Variants in PRUNE1 observed in about 807,000 individuals in gnomAD.
PRUNE1 encodes prune exopolyphosphatase 1.
In PRUNE1, 25 loss-of-function variants were observed where a neutral mutation model predicts 42.5. That is an observed-to-expected ratio of 0.59 (90% CI 0.43 to 0.82). PRUNE1 has a LOEUF of 0.82. PRUNE1 is among the 40% of genes least tolerant of loss of function. PRUNE1 has a pLI of 0.00. For missense variants in PRUNE1, 443 were observed against 539.3 expected (o/e 0.82, Z 1.77); for synonymous variants, 203 against 217.1 (o/e 0.93, Z 0.57).
At chr1:151,030,732 T>G (rs1675192263) in intron 7 of PRUNE1, among the ~76,000 whole-genome samples, 2 of 152,124 alleles carry the variant, frequency 1.3e-5, no homozygotes, top group Admixed American at 6.6e-5. Context: ...GTGATCCACC[T>G]GCCTTGGCCT....
At chr1:151,013,226 G>A (rs1011539387) in intron 1 of PRUNE1, among the ~76,000 whole-genome samples, 1 of 152,208 alleles carries the variant, frequency 6.6e-6, no homozygotes, top group Non-Finnish European at 1.5e-5. Flanking sequence ...CTGGGAATGT[G>A]CACATCATGG....
chr1:151,025,483 G>A, intron 4 of PRUNE1, 32 bp from the exon 5 acceptor site: 2 of 1,604,590 alleles, frequency 1.2e-6, no homozygotes, highest in African/African-American at 1.3e-5. Flanking sequence ...AGGGTCACAG[G>A]ATTCAAGTTC....
chr1:151,008,687 C>G lies in PRUNE1; in HGVS notation c.39+16C>G. The G allele has an allele frequency of 4.3e-6, 7 of 1,613,698 alleles. No homozygotes were observed. The highest frequency in any genetic ancestry group is 5.9e-6 in the Non-Finnish European group (7 of 1,179,746). On this transcript the variant is annotated intron_variant, in intron 1 of 7. Coordinates refer to ENST00000271620, the MANE Select transcript of PRUNE1 (RefSeq NM_021222.3). ...TGCTCTGCAGGTAACGAATCCCTGT[C>G]TGTGACTGTAAGGAATGGAGCACGG...
chr1:151,011,325 TA>T (rs906786031), intron 1 of PRUNE1, among the ~76,000 whole-genome samples: 11 of 151,394 alleles, frequency 7.3e-5, no homozygotes, highest in South Asian at 2.1e-4. Context: ...GATGTTCCAT[TA>T]AAAAAAAATC....
At chr1:151,027,782 G>GTGTGTGCA (rs71090119) in intron 6 of PRUNE1, among the ~76,000 whole-genome samples, 62 of 125,318 alleles carry the variant, frequency 4.9e-4, no homozygotes, top group African/African-American at 1.9e-3. Context: ...GTGTGTGTGT[G>GTGTGTGCA]CGCGCGCGTG....
At chr1:151,023,746 G>A (rs1013847373) in intron 3 of PRUNE1, among the ~76,000 whole-genome samples, 17 of 151,248 alleles carry the variant, frequency 1.1e-4, no homozygotes, top group African/African-American at 4.1e-4. Context: ...GAGAAATTTA[G>A]ATGTTGGGTA....
Position 151,026,725 on chromosome 1 carries a change from A to G in PRUNE1, c.680-508A>G, listed in dbSNP as rs760828034. 5.3e-5 allele frequency among the ~76,000 whole-genome samples: 8 copies of G among 152,272 alleles called. No homozygotes were observed. In the South Asian group the frequency reaches 1.5e-3, roughly 28 times the overall value. ...AAACAGTATAGGAAGAGGGAAAGAT[A>G]AAAAGTAAAAGCCTCTGTTCTGGGT... On this transcript the variant is annotated intron_variant, in intron 5 of 7. Coordinates refer to ENST00000271620, the MANE Select transcript of PRUNE1 (RefSeq NM_021222.3).
chr1:151,031,230 C>T (rs1675230311), intron 7 of PRUNE1, among the ~76,000 whole-genome samples: 2 of 149,912 alleles, frequency 1.3e-5, no homozygotes, highest in South Asian at 2.1e-4. Flanking sequence ...CTCTGTTGAC[C>T]AGGCTGGAGT....
Position 151,028,820 on chromosome 1 carries a change from T to A in PRUNE1, c.809T>A (p.Leu270His). Reference protein sequence around the residue: ...FLQRSNLLADLHAFCQAHSYD... With the variant: ...FLQRSNLLADHHAFCQAHSYD... ...CAGAGGTCTAACCTCCTTGCAGATC[T>A]CCATGCTTTCTGCCAGGCTCACAGC... is the stretch of plus-strand genomic sequence containing the variant. Residue 270 changes from leucine to histidine, a missense_variant, in exon 7 of 8, where the codon CTC becomes CAC. Leu to His is a moderately conservative substitution (Grantham distance 99). Coordinates refer to ENST00000271620, the MANE Select transcript of PRUNE1 (RefSeq NM_021222.3). 1.2e-6 allele frequency: 2 copies of A among 1,614,148 alleles called. No homozygotes were observed. The highest frequency in any genetic ancestry group is 1.7e-6 in the Non-Finnish European group (2 of 1,179,994).
At chr1:151,019,428 T>A (rs966085366) in intron 3 of PRUNE1, among the ~76,000 whole-genome samples, 1 of 151,778 alleles carries the variant, frequency 6.6e-6, no homozygotes, top group Non-Finnish European at 1.5e-5. Flanking sequence ...CGGTGGTGCA[T>A]GCCTATGGTC....
chr1:151,026,033 G>A (rs1305194696), intron 5 of PRUNE1, among the ~76,000 whole-genome samples: 1 of 151,714 alleles, frequency 6.6e-6, no homozygotes, highest in Non-Finnish European at 1.5e-5. Context: ...GAGCCACCGC[G>A]CCTGGCCAAT....
In PRUNE1 at chr1:151,012,847, C is replaced by T. The variant is rs186222624; in HGVS notation, c.39+4176C>T. On this transcript the variant is annotated intron_variant, in intron 1 of 7. Coordinates refer to ENST00000271620, the MANE Select transcript of PRUNE1 (RefSeq NM_021222.3). ...AGTGCAATGGTGGGATCTCGGCTCA[C>T]TGCAACCTCCGCCTCCCGGGTTCAA... is the stretch of plus-strand genomic sequence containing the variant. Among the ~76,000 whole-genome samples, 1,471 of 151,962 alleles carry T rather than the reference C, an allele frequency of 9.7e-3. 16 individuals carry two copies. Among genetic ancestry groups the T allele is most frequent in the South Asian group, 0.013 (61 of 4,804 alleles).
Position 151,024,725 on chromosome 1 carries a change from C to G in PRUNE1, c.450C>G (p.Thr150=), listed in dbSNP as rs760837815. The G allele has an allele frequency of 1.2e-6, 2 of 1,614,000 alleles. No homozygotes were observed. Among genetic ancestry groups the G allele is most frequent in the African/African-American group, 1.3e-5 (1 of 74,894 alleles). The change falls in exon 4 of 8, where the codon ACC becomes ACG. Residue 150 remains threonine, a synonymous_variant. Coordinates refer to ENST00000271620, the MANE Select transcript of PRUNE1 (RefSeq NM_021222.3). ...VSVELVGSCA[T]LVTERILQGA... ...TTGAGCTGGTGGGGTCCTGTGCTAC[C>G]CTGGTGACCGAGAGAATCCTGCAGG...
At chr1:151,011,737 A>C (rs762360076) in intron 1 of PRUNE1, among the ~76,000 whole-genome samples, 2 of 152,018 alleles carry the variant, frequency 1.3e-5, no homozygotes, top group African/African-American at 2.4e-5. Context: ...TAAGAGAGTC[A>C]TTTCAACTAG....
At chr1:151,025,453 G>A (rs1165440367) in intron 4 of PRUNE1, 62 bp from the exon 5 acceptor site, 2 of 1,516,716 alleles carry the variant, frequency 1.3e-6, no homozygotes, top group East Asian at 4.5e-5. Flanking sequence ...GGTTATATAT[G>A]TTCTGGTGGT....
At chr1:151,023,816 G>A (rs972429434) in intron 3 of PRUNE1, among the ~76,000 whole-genome samples, 13 of 152,200 alleles carry the variant, frequency 8.5e-5, no homozygotes, top group Middle Eastern at 6.8e-3. Flanking sequence ...AAATGTGGGG[G>A]TAAGATATTT....
At chr1:151,008,807 C>A in intron 1 of PRUNE1, 136 bp downstream of exon 1, 1 of 1,111,916 alleles carries the variant, frequency 9.0e-7, no homozygotes, top group Non-Finnish European at 1.4e-6. Context: ...GGGGCCTGAT[C>A]AGTTTTGGGG....
chr1:151,011,408 G>T (rs1673761841), intron 1 of PRUNE1, among the ~76,000 whole-genome samples: 1 of 152,076 alleles, frequency 6.6e-6, no homozygotes, highest in Admixed American at 6.6e-5. Flanking sequence ...CTTCAGGGTG[G>T]GGCTGCATTG....
intron 3 of PRUNE1, among the ~76,000 whole-genome samples, chr1:151,023,610 TAGGAGGCTGAGGC>T (rs1674621109): frequency 1.3e-5 from 2 of 150,446 alleles, no homozygotes; most frequent in African/African-American, 4.9e-5. Context: ...CCCAGCTACT[TAGGAGGCTGAGGC>T]AGGAGAATTG....
Sources: gnomAD v4.1 joint callset for allele counts (sites outside exome capture counted in the v4.1 genomes callset) on GRCh38, gnomAD v4.1.1 for gene constraint, MANE v1.5 for transcripts, NCBI Gene and HGNC (gene_info 2026-07-23, HGNC 2026-07-21) for gene names.